The following ALPK1 variants were observed in gnomAD, a reference collection of about 807,000 sequenced individuals.
ALPK1 encodes alpha-protein kinase 1.
In ALPK1, 110 loss-of-function variants were observed where a neutral mutation model predicts 120.6. That is an observed-to-expected ratio of 0.91 (90% CI 0.78 to 1.07). The LOEUF (loss-of-function observed/expected upper bound fraction) is 1.07. Among genes scored for constraint, ALPK1 ranks in the 50% least tolerant of loss-of-function variants. The pLI, the probability that ALPK1 is intolerant of heterozygous loss-of-function variation, is 0.00. For synonymous variants in ALPK1, 582 were observed against 560.3 expected, an observed-to-expected ratio of 1.04 and a Z score of -0.55; for missense variants, 1,498 against 1,483.9, an observed-to-expected ratio of 1.01 and a Z score of -0.16.
chr4:112,386,798 G>A (rs1732173398), intron 4 of ALPK1, among the ~76,000 whole-genome samples: 1 of 152,154 alleles, frequency 6.6e-6, no homozygotes, highest in Admixed American at 6.5e-5. Context: ...TATATCGCCT[G>A]ACACTTTGAC....
rs1735033598 is a variant in ALPK1, at chr4:112,441,314, T to A, written c.*104T>A. The stretch of plus-strand genomic sequence containing the variant: ...GATCAGTATCACTTTAAGTCCTGCA[T>A]TTAATTGGCAGCACAAGATCCTGCA... On this transcript the variant is annotated 3_prime_UTR_variant, in exon 16 of 16. Coordinates refer to ENST00000650871, the MANE Select transcript of ALPK1 (RefSeq NM_025144.4). The A allele has an allele frequency of 1.2e-6, 1 of 853,148 alleles. No homozygotes were observed. The highest frequency in any genetic ancestry group is 1.7e-5 in the Admixed American group (1 of 58,736). The allele number at this position is 853,148 out of a possible 1,614,324, so 52.8% of individuals were successfully genotyped here.
intron 2 of ALPK1, among the ~76,000 whole-genome samples, chr4:112,318,513 G>C (rs1024196375): frequency 3.3e-5 from 5 of 152,226 alleles, no homozygotes; most frequent in Non-Finnish European, 4.4e-5. Context: ...GGTTGCTTCT[G>C]TCACTTATGA....
intron 8 of ALPK1, among the ~76,000 whole-genome samples, chr4:112,427,102 A>G (rs759804975): frequency 2.0e-5 from 3 of 152,184 alleles, no homozygotes; most frequent in African/African-American, 4.8e-5. Flanking sequence ...ACAGACTGAT[A>G]TGAGCTCTTC....
In ALPK1 at chr4:112,358,612, C is replaced by T. The variant is rs879497012; in HGVS notation, c.-100-19066C>T. On this transcript the variant is annotated intron_variant, in intron 2 of 15. Transcript: ENST00000650871. ...GGCTGCTGGCCGCCCTGGAGCACAG[C>T]GAACAGTGGGCTGGGGGGCCCTGGC... The T allele has an allele frequency of 7.2e-4, 524 of 723,118 alleles. 1 individual carries two copies. Among genetic ancestry groups the T allele is most frequent in the Non-Finnish European group, 9.8e-4 (397 of 406,830 alleles). 44.8% of individuals were successfully genotyped at this position (723,118 alleles called of 1,614,324 possible).
chr4:112,404,371 G>T (rs1733070968), intron 4 of ALPK1, among the ~76,000 whole-genome samples: 1 of 152,106 alleles, frequency 6.6e-6, no homozygotes, highest in Non-Finnish European at 1.5e-5. Context: ...AATCTACCAA[G>T]CTCTGTGCTG....
At chr4:112,404,119 T>C (rs1050648481) in intron 4 of ALPK1, among the ~76,000 whole-genome samples, 2 of 152,186 alleles carry the variant, frequency 1.3e-5, no homozygotes, top group East Asian at 1.9e-4. Context: ...ATCCTCGGAG[T>C]TGGTGAAGAG....
intron 4 of ALPK1, among the ~76,000 whole-genome samples, chr4:112,404,598 T>C (rs1190441819): frequency 1.3e-5 from 2 of 152,244 alleles, no homozygotes; most frequent in East Asian, 3.8e-4. Flanking sequence ...TTTTTATATC[T>C]TCCATGTCTC....
intron 4 of ALPK1, among the ~76,000 whole-genome samples, chr4:112,406,509 G>T (rs977570971): frequency 6.6e-6 from 1 of 152,202 alleles, no homozygotes; most frequent in Non-Finnish European, 1.5e-5. Context: ...TTGAAGTAAA[G>T]GAGATTGGAA....
At chr4:112,387,076 T>G (rs1418702014) in intron 4 of ALPK1, among the ~76,000 whole-genome samples, 1 of 152,220 alleles carries the variant, frequency 6.6e-6, no homozygotes, top group Non-Finnish European at 1.5e-5. Flanking sequence ...CATTTAGCGT[T>G]AGCTTCTGTT....
intron 2 of ALPK1, among the ~76,000 whole-genome samples, chr4:112,344,710 T>G (rs1373162692): frequency 1.3e-5 from 2 of 152,190 alleles, no homozygotes; most frequent in African/African-American, 4.8e-5. Context: ...TATGTGACCT[T>G]GGGAAAGTTA....
Position 112,430,558 on chromosome 4 carries a change from C to A in ALPK1, c.1011C>A (p.Leu337=). The change falls in exon 11 of 16, where the codon CTC becomes CTA. Residue 337 remains leucine (L), a synonymous_variant. Transcript: ENST00000650871. The part of the protein sequence containing the change: ...EAKEAFEIGL[L]TKRDDEPVTG... ...AAGAGGCCTTTGAGATTGGCCTCCT[C>A]ACCAAGAGAGATGATGAGCCTGTTA... is the stretch of plus-strand genomic sequence containing the variant. 1 of 1,614,174 alleles carries A rather than the reference C, an allele frequency of 6.2e-7. No individual in the cohort carries two copies. Among genetic ancestry groups the A allele is most frequent in the Non-Finnish European group, 8.5e-7 (1 of 1,180,030 alleles).
At chr4:112,356,425 C>A (rs1730616018) in intron 2 of ALPK1, 2 of 878,650 alleles carry the variant, frequency 2.3e-6, no homozygotes, top group South Asian at 1.3e-5. Flanking sequence ...AATGGAGACC[C>A]CTTAGCTTGC....
At chr4:112,421,107 C>T (rs1733973646) in intron 5 of ALPK1, among the ~76,000 whole-genome samples, 3 of 152,282 alleles carry the variant, frequency 2.0e-5, no homozygotes, top group African/African-American at 7.2e-5. Context: ...GCTGGGATTA[C>T]AGGCATGAGC....
chr4:112,305,918 A>G (rs368737509), intron 1 of ALPK1, among the ~76,000 whole-genome samples: 20 of 151,966 alleles, frequency 1.3e-4, no homozygotes, highest in Non-Finnish European at 2.2e-4. Flanking sequence ...TTTGCAATAC[A>G]TCCCATCAAT....
intron 2 of ALPK1, among the ~76,000 whole-genome samples, chr4:112,335,774 G>A (rs1209801816): frequency 1.3e-5 from 2 of 152,036 alleles, no homozygotes; most frequent in Non-Finnish European, 2.9e-5. Flanking sequence ...AGTAATAAAG[G>A]GTCTTCCTCA....
At chr4:112,303,363 G>A (rs1727874388) in intron 1 of ALPK1, among the ~76,000 whole-genome samples, 1 of 152,060 alleles carries the variant, frequency 6.6e-6, no homozygotes, top group Non-Finnish European at 1.5e-5. Flanking sequence ...GCCTCCACCA[G>A]TAATTTTTAT....
At chr4:112,310,247 A>C (rs1728333403) in intron 1 of ALPK1, among the ~76,000 whole-genome samples, 1 of 152,092 alleles carries the variant, frequency 6.6e-6, no homozygotes, top group African/African-American at 2.4e-5. Context: ...TCATCAACAT[A>C]ACACTTGGAG....
chr4:112,307,122 G>T (rs549397920), intron 1 of ALPK1, among the ~76,000 whole-genome samples: 1 of 152,242 alleles, frequency 6.6e-6, no homozygotes, highest in African/African-American at 2.4e-5. Context: ...GAGACAGTTT[G>T]TTATAATTTC....
At chr4:112,322,067 G>A (rs372927887) in intron 2 of ALPK1, among the ~76,000 whole-genome samples, 3 of 152,272 alleles carry the variant, frequency 2.0e-5, no homozygotes, top group East Asian at 3.9e-4. Flanking sequence ...TGTGAATGAC[G>A]GCAAACATTT....
Sources: allele counts gnomAD v4.1 joint callset (sites outside exome capture counted in the v4.1 genomes callset), GRCh38; gene constraint gnomAD v4.1.1; transcripts MANE v1.5; gene names NCBI Gene and HGNC (gene_info 2026-07-23, HGNC 2026-07-21).